PDE11A: variants seen among roughly 807,000 people sequenced by gnomAD.
PDE11A encodes the protein phosphodiesterase 11A.
Under a neutral mutation model 100.5 loss-of-function variants are expected in PDE11A, and 100 were observed. The ratio of observed to expected loss-of-function variants is 1.00; its 90% confidence interval spans 0.85 to 1.18. The LOEUF (loss-of-function observed/expected upper bound fraction) is 1.18, where lower values mean the gene tolerates loss of function less well. PDE11A is among the 50% of genes most tolerant of loss of function. The pLI is 0.00. For synonymous variants in PDE11A, 381 were observed against 420.8 expected, an observed-to-expected ratio of 0.91 and a Z score of 1.16; for missense variants, 1,141 against 1,152.6, an observed-to-expected ratio of 0.99 and a Z score of 0.15.
At chr2:177,722,396 C>T (rs149156941) in intron 12 of PDE11A, among the ~76,000 whole-genome samples, 37 of 152,264 alleles carry the variant, frequency 2.4e-4, no homozygotes, top group African/African-American at 7.2e-4. Flanking sequence ...GGAGGTTACT[C>T]TCCTGTGAGA....
chr2:177,948,468 A>G (rs2085470371), intron 2 of PDE11A, among the ~76,000 whole-genome samples: 1 of 152,230 alleles, frequency 6.6e-6, no homozygotes, highest in African/African-American at 2.4e-5. Flanking sequence ...CTAGATAGAA[A>G]AATGATAGGT....
chr2:177,792,418 T>A lies in PDE11A; in HGVS notation c.1738-23045A>T, dbSNP rs183740660. Among the ~76,000 whole-genome samples the A allele has an allele frequency of 2.0e-4, 31 of 152,328 alleles. No homozygotes were observed. The East Asian group carries it at 6.0e-3, about 29-fold the overall frequency. ...AAGACCATACTTCTGAGTAGCATGT[T>A]ATTAAATATTTATATATACTGATTT... On this transcript the variant is annotated intron_variant, in intron 9 of 19. Transcript: ENST00000286063.
intron 15 of PDE11A, among the ~76,000 whole-genome samples, chr2:177,693,382 C>T (rs977184192): frequency 3.9e-5 from 6 of 152,142 alleles, no homozygotes; most frequent in African/African-American, 1.4e-4. Flanking sequence ...TTTTGAAGTG[C>T]GATATATGAG....
chr2:177,817,627 G>A (rs35104703), intron 8 of PDE11A, among the ~76,000 whole-genome samples: 15,727 of 152,104 alleles, frequency 0.1, 1,065 homozygotes, highest in Non-Finnish European at 0.15. Flanking sequence ...GGGTAATTCT[G>A]TAATAAAATT....
intron 2 of PDE11A, among the ~76,000 whole-genome samples, chr2:177,985,523 T>A (rs1559032626): frequency 6.6e-6 from 1 of 152,198 alleles, no homozygotes; most frequent in Non-Finnish European, 1.5e-5. Flanking sequence ...TAAGGGATAA[T>A]ATTCTCTTCT....
chr2:178,034,207 C>T (rs1224311440), intron 1 of PDE11A, among the ~76,000 whole-genome samples: 1 of 152,034 alleles, frequency 6.6e-6, no homozygotes, highest in African/African-American at 2.4e-5. Context: ...GAATATTTAC[C>T]AAGCAAATGG....
chr2:177,769,385 GA>G lies in PDE11A; in HGVS notation c.1738-13del, dbSNP rs200673731. The G allele has an allele frequency of 4.7e-4, 711 of 1,503,046 alleles. 2 individuals are homozygous for G. The highest frequency in any genetic ancestry group is 2.1e-3 in the South Asian group (185 of 87,738). 93.1% of individuals were successfully genotyped at this position (1,503,046 alleles called of 1,614,324 possible). A position where few individuals can be genotyped will look rare whatever the true frequency, so the allele number is the denominator to read the frequency against. On this transcript the variant is annotated splice_polypyrimidine_tract_variant and intron_variant, in intron 9 of 19. Coordinates refer to ENST00000286063, the MANE Select transcript of PDE11A (RefSeq NM_016953.4). ...TGGTATGATAGCACCTGATTCAGAA[GA>G]AAAAAAAATAATTTTAATAACTAGA...
intron 17 of PDE11A, 39 bp from the exon 18 acceptor site, chr2:177,669,606 G>T: frequency 1.1e-6 from 1 of 890,552 alleles, no homozygotes; most frequent in Non-Finnish European, 1.9e-6. Flanking sequence ...ATTATGTGTA[G>T]TTTATCACGA....
intron 2 of PDE11A, among the ~76,000 whole-genome samples, chr2:177,986,865 A>T (rs2085946770): frequency 6.6e-6 from 1 of 151,970 alleles, no homozygotes. Context: ...TAATAATGGT[A>T]TATATCTCAC....
intron 17 of PDE11A, among the ~76,000 whole-genome samples, chr2:177,673,057 T>C (rs2080708715): frequency 1.3e-5 from 2 of 152,202 alleles, no homozygotes; most frequent in Non-Finnish European, 2.9e-5. Flanking sequence ...GAAATAAATA[T>C]ATTTGCCACA....
At chr2:177,754,118 T>C (rs915280629) in intron 10 of PDE11A, among the ~76,000 whole-genome samples, 8 of 152,170 alleles carry the variant, frequency 5.3e-5, no homozygotes, top group African/African-American at 1.7e-4. Context: ...AAGCCTGCCA[T>C]TGGCTGGCTA....
intron 5 of PDE11A, among the ~76,000 whole-genome samples, chr2:177,849,248 A>G (rs2083656468): frequency 6.6e-6 from 1 of 152,212 alleles, no homozygotes; most frequent in African/African-American, 2.4e-5. Flanking sequence ...CCAAAGGGGT[A>G]TACTCTCAGG....
intron 2 of PDE11A, among the ~76,000 whole-genome samples, chr2:177,960,347 A>G (rs1206129675): frequency 1.3e-5 from 2 of 152,182 alleles, no homozygotes; most frequent in Admixed American, 1.3e-4. Flanking sequence ...AAGAAGCTAA[A>G]GGTACCATTT....
intron 9 of PDE11A, among the ~76,000 whole-genome samples, chr2:177,799,909 TG>T (rs1256088972): frequency 6.6e-6 from 1 of 151,996 alleles, no homozygotes; most frequent in African/African-American, 2.4e-5. Context: ...TGTATGATGG[TG>T]GGGGGTGGGG....
rs553542658 is a variant in PDE11A at position 178,104,599 on chromosome 2, T to C, written c.-13-123A>G. The stretch of plus-strand genomic sequence containing the variant: ...ATGCTGATGATGTTAAACAAAAACA[T>C]ATCCTTTAAAGCATGCAAGCTTTAA... On this transcript the variant is annotated intron_variant, in intron 1 of 20. Coordinates refer to the PDE11A transcript ENST00000358450. The C allele has an allele frequency of 1.4e-4, 110 of 775,674 alleles. 2 individuals carry two copies. The South Asian group carries it at 1.7e-3, about 12-fold the overall frequency. 48.0% of individuals were successfully genotyped at this position (775,674 alleles called of 1,614,324 possible).
intron 16 of PDE11A, 79 bp downstream of exon 16, chr2:177,680,747 C>T (rs1255459157): frequency 2.8e-5 from 22 of 772,856 alleles, no homozygotes; most frequent in South Asian, 1.9e-4. Context: ...CACTTCTATG[C>T]TCTTAGTACT....
intron 10 of PDE11A, among the ~76,000 whole-genome samples, chr2:177,749,467 T>A (rs781367382): frequency 3.3e-4 from 51 of 152,342 alleles, no homozygotes; most frequent in Admixed American, 5.2e-4. Flanking sequence ...ACATTAGATT[T>A]ATATTTCAGT....
intron 1 of PDE11A, among the ~76,000 whole-genome samples, chr2:178,040,542 A>G (rs1285494047): frequency 6.6e-6 from 1 of 152,192 alleles, no homozygotes; most frequent in Non-Finnish European, 1.5e-5. Flanking sequence ...TTCAGCACAC[A>G]TATTGTTTTG....
At chr2:177,757,536 C>G (rs1385822465) in intron 10 of PDE11A, among the ~76,000 whole-genome samples, 5 of 152,148 alleles carry the variant, frequency 3.3e-5, no homozygotes, top group Admixed American at 3.3e-4. Flanking sequence ...CTACAGAAAG[C>G]CCAGGAAATG....
Sources: allele counts gnomAD v4.1 joint callset (sites outside exome capture counted in the v4.1 genomes callset), GRCh38; gene constraint gnomAD v4.1.1; transcripts MANE v1.5; gene names NCBI Gene and HGNC (gene_info 2026-07-23, HGNC 2026-07-21).